Variants in PCSK5 observed in about 807,000 individuals in gnomAD.
The protein encoded by PCSK5 is proprotein convertase subtilisin/kexin type 5, also known as prohormone convertase 5.
A neutral mutation model predicts 233.2 loss-of-function variants in PCSK5; 129 were observed. The ratio of observed to expected loss-of-function variants is 0.55; its 90% CI spans 0.48 to 0.64. The LOEUF is 0.64. Among genes scored for constraint, PCSK5 ranks in the 30% least tolerant of loss-of-function variants. The probability of loss-of-function intolerance (pLI) is 0.00; values close to 1 mark genes in which losing one functional copy is unlikely to be tolerated. For missense variants in PCSK5, 2,076 were observed against 2,430.1 expected, an observed-to-expected ratio of 0.85 and a Z score of 3.06; for synonymous variants, 825 against 879.2, an observed-to-expected ratio of 0.94 and a Z score of 1.09.
At chr9:75,897,668 A>G (rs1825869851) in intron 1 of PCSK5, among the ~76,000 whole-genome samples, 1 of 151,410 alleles carries the variant, frequency 6.6e-6, no homozygotes. Context: ...TAATTTTTGT[A>G]TTTTTAGTAG....
intron 1 of PCSK5, among the ~76,000 whole-genome samples, chr9:75,919,487 G>A (rs1823149476): frequency 6.6e-6 from 1 of 152,140 alleles, no homozygotes; most frequent in South Asian, 2.1e-4. Flanking sequence ...TAGGATTTCT[G>A]GGTTGTATGT....
intron 32 of PCSK5, among the ~76,000 whole-genome samples, chr9:76,326,710 G>A (rs570646508): frequency 5.3e-5 from 8 of 152,178 alleles, no homozygotes; most frequent in East Asian, 1.9e-4. Flanking sequence ...GCTATGTGCC[G>A]TGTGCTCTTT....
At chr9:76,282,448 T>C (rs1340208727) in intron 24 of PCSK5, among the ~76,000 whole-genome samples, 1 of 150,582 alleles carries the variant, frequency 6.6e-6, no homozygotes, top group African/African-American at 2.4e-5. Flanking sequence ...GCCTCCTGAG[T>C]AGCTGTGACT....
intron 3 of PCSK5, among the ~76,000 whole-genome samples, chr9:75,999,673 A>G (rs1827182633): frequency 6.6e-6 from 1 of 152,114 alleles, no homozygotes; most frequent in Non-Finnish European, 1.5e-5. Flanking sequence ...TAAATCCACA[A>G]CCTTCCAGCT....
chr9:76,026,043 A>AGT (rs890008029), intron 4 of PCSK5, among the ~76,000 whole-genome samples: 1 of 152,198 alleles, frequency 6.6e-6, no homozygotes, highest in Non-Finnish European at 1.5e-5. Flanking sequence ...TACAGGGTAT[A>AGT]GTGAGCCAAG....
chr9:76,334,266 G>A (rs900532091), intron 34 of PCSK5, among the ~76,000 whole-genome samples: 12 of 152,288 alleles, frequency 7.9e-5, no homozygotes, highest in Admixed American at 2.0e-4. Flanking sequence ...AATTCAAGAT[G>A]AGATTTGGGT....
chr9:76,157,793 TGTTTGA>T (rs1352122535), intron 11 of PCSK5, among the ~76,000 whole-genome samples: 1 of 152,238 alleles, frequency 6.6e-6, no homozygotes, highest in Non-Finnish European at 1.5e-5. Context: ...CAACTAAAGT[TGTTTGA>T]GTTTATTTTC....
chr9:76,206,632 G>C (rs954576722), intron 20 of PCSK5, among the ~76,000 whole-genome samples: 5 of 152,224 alleles, frequency 3.3e-5, no homozygotes, highest in Non-Finnish European at 7.3e-5. Flanking sequence ...ACCTCACAGA[G>C]CGCAAACAAG....
intron 10 of PCSK5, among the ~76,000 whole-genome samples, chr9:76,136,530 T>A (rs984779390): frequency 1.3e-5 from 2 of 152,052 alleles, no homozygotes; most frequent in Non-Finnish European, 2.9e-5. Flanking sequence ...CACGTATTTC[T>A]CCTTAGACTG....
At chr9:76,282,592 A>G (rs768693449) in intron 24 of PCSK5, among the ~76,000 whole-genome samples, 6 of 152,136 alleles carry the variant, frequency 3.9e-5, no homozygotes, top group Non-Finnish European at 8.8e-5. Flanking sequence ...TGTTGGGATT[A>G]CAGGTATGAG....
chr9:76,247,837 T>A (rs1394232078), intron 24 of PCSK5, among the ~76,000 whole-genome samples: 1 of 151,576 alleles, frequency 6.6e-6, no homozygotes, highest in Non-Finnish European at 1.5e-5. Context: ...CAGGCTGGAG[T>A]GCAACGGCGT....
At chr9:76,057,140 G>A (rs1829850276) in intron 5 of PCSK5, among the ~76,000 whole-genome samples, 1 of 152,132 alleles carries the variant, frequency 6.6e-6, no homozygotes, top group Non-Finnish European at 1.5e-5. Context: ...CTCATACTCT[G>A]TGGTCTCTGA....
intron 7 of PCSK5, among the ~76,000 whole-genome samples, chr9:76,075,305 C>A (rs1461406765): frequency 1.3e-5 from 2 of 151,996 alleles, no homozygotes; most frequent in Non-Finnish European, 2.9e-5. Flanking sequence ...TTTTGTTCTT[C>A]CTATGTCTGT....
chr9:76,174,605 G>A (rs540579882), intron 13 of PCSK5, among the ~76,000 whole-genome samples: 39 of 152,086 alleles, frequency 2.6e-4, no homozygotes, highest in African/African-American at 8.4e-4. Context: ...CCACCGCACC[G>A]GGCCATATAA....
At chr9:76,185,921 G>C (rs1441418119) in intron 17 of PCSK5, among the ~76,000 whole-genome samples, 1 of 152,038 alleles carries the variant, frequency 6.6e-6, no homozygotes, top group Non-Finnish European at 1.5e-5. Flanking sequence ...CACATACTTG[G>C]TTCATGAGAA....
At chr9:76,267,777 ACTT>A (rs576847257) in intron 24 of PCSK5, among the ~76,000 whole-genome samples, 5 of 152,122 alleles carry the variant, frequency 3.3e-5, no homozygotes, top group Non-Finnish European at 7.4e-5. Flanking sequence ...CTTATGGCCA[ACTT>A]CTTCTCTTAA....
chr9:76,261,714 TCCTTCACGTC>T lies in PCSK5; in HGVS notation c.3142+21035_3142+21044del, dbSNP rs1382863578. Among the ~76,000 whole-genome samples the T allele has an allele frequency of 7.9e-5, 12 of 152,340 alleles. No individual in the cohort carries two copies. In the East Asian group the frequency reaches 2.1e-3, roughly 27 times the overall value. On this transcript the variant is annotated intron_variant, in intron 24 of 37. Coordinates refer to ENST00000674117, the MANE Select transcript of PCSK5 (RefSeq NM_001372043.1). ...TGGTTTGTAGTTCTCCTTGAAGAGGTCCTTCACGTCCCTTGTAAGTTGGATTCCTACGTAT... is the reference window on the plus strand; with the variant it reads ...TGGTTTGTAGTTCTCCTTGAAGAGGTCCTTGTAAGTTGGATTCCTACGTAT...
chr9:76,103,664 G>A (rs1462093187), intron 8 of PCSK5, among the ~76,000 whole-genome samples: 17 of 152,176 alleles, frequency 1.1e-4, no homozygotes, highest in Admixed American at 1.1e-3. Context: ...CCCTAACATA[G>A]TGGAGTCCAA....
chr9:76,093,846 A>C (rs1053385019), intron 7 of PCSK5, among the ~76,000 whole-genome samples: 4 of 152,196 alleles, frequency 2.6e-5, no homozygotes, highest in Admixed American at 6.5e-5. Context: ...TCTGAGGTCT[A>C]GACAGGAGTC....
Sources: gnomAD v4.1 joint callset for allele counts (sites outside exome capture counted in the v4.1 genomes callset) on GRCh38, gnomAD v4.1.1 for gene constraint, MANE v1.5 for transcripts, NCBI Gene and HGNC (gene_info 2026-07-23, HGNC 2026-07-21) for gene names.